OSBPL6: variants seen among roughly 807,000 people sequenced by gnomAD.
OSBPL6 encodes the protein oxysterol-binding protein-related protein 6.
OSBPL6 carries 49 observed loss-of-function variants against 125.8 expected under a neutral mutation model. That is an observed-to-expected ratio of 0.39 (90% CI 0.31 to 0.49). The LOEUF is 0.49. OSBPL6 is among the 20% of genes least tolerant of loss of function. OSBPL6 has a pLI of 0.88. For synonymous variants in OSBPL6, 394 were observed against 391.8 expected, an observed-to-expected ratio of 1.01 and a Z score of -0.07; for missense variants, 986 against 1,135.4, an observed-to-expected ratio of 0.87 and a Z score of 1.89.
intron 3 of OSBPL6, among the ~76,000 whole-genome samples, chr2:178,308,283 T>G (rs1475245530): frequency 6.6e-6 from 1 of 152,206 alleles, no homozygotes; most frequent in African/African-American, 2.4e-5. Context: ...AGAATTAACT[T>G]AGGGAACTCA....
At chr2:178,236,241 G>C (rs577167829) in intron 1 of OSBPL6, among the ~76,000 whole-genome samples, 1 of 152,120 alleles carries the variant, frequency 6.6e-6, no homozygotes, top group South Asian at 2.1e-4. Context: ...AAAATTATAA[G>C]TTTAGTGAGT....
At chr2:178,287,011 A>G (rs1684757444) in intron 2 of OSBPL6, among the ~76,000 whole-genome samples, 1 of 152,170 alleles carries the variant, frequency 6.6e-6, no homozygotes, top group Non-Finnish European at 1.5e-5. Flanking sequence ...CCAAATGTTT[A>G]TATGGTAATA....
chr2:178,389,456 G>A (rs1695222250), intron 21 of OSBPL6, among the ~76,000 whole-genome samples: 1 of 152,200 alleles, frequency 6.6e-6, no homozygotes. Context: ...AACACTTCTT[G>A]ACTATAAATC....
rs1695786738 is a variant in OSBPL6 at position 178,395,534 on chromosome 2, A to G, written c.2780A>G (p.Lys927Arg). Reference protein sequence around the residue: ...WELRKDPGFSKVDSPVLW With the variant: ...WELRKDPGFSRVDSPVLW ...CTTCGAAAGGACCCTGGGTTTAGCA[A>G]AGTAGACAGCCCTGTTCTTTGGTAG... is the stretch of plus-strand genomic sequence containing the variant. The change falls in exon 25 of 25, where the codon AAA (lysine) becomes AGA (arginine). Residue 927 changes from lysine (K) to arginine (R), a missense_variant. Coordinates refer to ENST00000190611, the MANE Select transcript of OSBPL6 (RefSeq NM_032523.4). 6.2e-7 allele frequency: 1 copy of G among 1,613,272 alleles called. No individual in the cohort carries two copies. The highest frequency in any genetic ancestry group is 1.7e-5 in the Admixed American group (1 of 59,996).
intron 13 of OSBPL6, among the ~76,000 whole-genome samples, chr2:178,362,728 C>G (rs529714036): frequency 7.5e-4 from 114 of 152,222 alleles, no homozygotes; most frequent in African/African-American, 2.4e-3. Flanking sequence ...CGTCCCTGAA[C>G]TGTCGGCGTA....
intron 13 of OSBPL6, among the ~76,000 whole-genome samples, chr2:178,368,206 C>T (rs1333059162): frequency 6.6e-6 from 1 of 152,160 alleles, no homozygotes; most frequent in Non-Finnish European, 1.5e-5. Context: ...GAGAGCACTA[C>T]ACCAGAAAGC....
At chr2:178,196,736 G>A (rs574464941) in intron 1 of OSBPL6, among the ~76,000 whole-genome samples, 22 of 152,192 alleles carry the variant, frequency 1.4e-4, no homozygotes, top group Non-Finnish European at 2.4e-4. Context: ...GGACTAGAGA[G>A]AAGATAATAT....
chr2:178,210,892 G>A (rs1201526850), intron 1 of OSBPL6, among the ~76,000 whole-genome samples: 1 of 151,660 alleles, frequency 6.6e-6, no homozygotes, highest in Admixed American at 6.6e-5. Flanking sequence ...CAAGGACAGG[G>A]GTAGAGGGTT....
At chr2:178,386,940 C>T in intron 19 of OSBPL6, 121 bp from the exon 20 acceptor site, 1 of 535,086 alleles carries the variant, frequency 1.9e-6, no homozygotes, top group East Asian at 3.6e-5. Context: ...ACTAAATCAG[C>T]AATATAGAAT....
At chr2:178,301,178 G>C (rs1686243357) in intron 2 of OSBPL6, among the ~76,000 whole-genome samples, 1 of 151,778 alleles carries the variant, frequency 6.6e-6, no homozygotes, top group Non-Finnish European at 1.5e-5. Context: ...CAAGCAGAAA[G>C]GGAAGAGATG....
chr2:178,279,988 A>G (rs1683987606), intron 1 of OSBPL6, among the ~76,000 whole-genome samples: 1 of 152,116 alleles, frequency 6.6e-6, no homozygotes, highest in Admixed American at 6.6e-5. Context: ...TCACGAAGTC[A>G]AGAGATCTAG....
chr2:178,211,179 A>C (rs144970466), intron 1 of OSBPL6, among the ~76,000 whole-genome samples: 1 of 152,276 alleles, frequency 6.6e-6, no homozygotes, highest in East Asian at 1.9e-4. Context: ...GCTAAGGAAG[A>C]AGGATTGCTT....
At chr2:178,361,651 A>C in intron 12 of OSBPL6, 31 bp from the exon 13 acceptor site, 1 of 1,611,482 alleles carries the variant, frequency 6.2e-7, no homozygotes, top group Non-Finnish European at 8.5e-7. Flanking sequence ...CACATATCTG[A>C]CAGTTTTTTC....
In OSBPL6 at chr2:178,381,964, T is replaced by C. The variant is rs902461283; in HGVS notation, c.1534-456T>C. ...CTCTTCTTTGTGTGCTTCTGTCCCT[T>C]CTAATAACTGGGCAACTCCTATTCA... On this transcript the variant is annotated intron_variant, in intron 15 of 24. Transcript: ENST00000190611. Among the ~76,000 whole-genome samples the C allele has an allele frequency of 2.6e-5, 4 of 152,208 alleles. No individual in the cohort carries two copies. In the East Asian group the frequency reaches 7.7e-4, roughly 29 times the overall value.
chr2:178,367,213 C>T (rs965261486), intron 13 of OSBPL6, among the ~76,000 whole-genome samples: 1 of 151,978 alleles, frequency 6.6e-6, no homozygotes, highest in Non-Finnish European at 1.5e-5. Context: ...AGAAATGGGC[C>T]AAGCTACCAA....
intron 7 of OSBPL6, 38 bp from the exon 8 acceptor site, chr2:178,332,833 A>T (rs1287670119): frequency 3.7e-6 from 6 of 1,608,454 alleles, no homozygotes; most frequent in Non-Finnish European, 5.1e-6. Context: ...CAGGAGAGTT[A>T]TTTTACAATT....
At chr2:178,373,855 A>G in intron 14 of OSBPL6, 35 bp from the exon 15 acceptor site, 1 of 1,609,960 alleles carries the variant, frequency 6.2e-7, no homozygotes, top group Non-Finnish European at 8.5e-7. Flanking sequence ...AACAGGGAGA[A>G]AAGCAATTAC....
chr2:178,353,522 T>C (rs1166377308), intron 12 of OSBPL6, among the ~76,000 whole-genome samples: 1 of 151,796 alleles, frequency 6.6e-6, no homozygotes, highest in African/African-American at 2.4e-5. Flanking sequence ...ATTAATGAAA[T>C]AAAACAAGAA....
chr2:178,395,409 T>C (rs773875440), intron 24 of OSBPL6, 42 bp from the exon 25 acceptor site: 2 of 1,441,104 alleles, frequency 1.4e-6, no homozygotes, highest in Non-Finnish European at 2.0e-6. Context: ...AAGGTTACCT[T>C]GATGTGATTC....
Sources: allele counts gnomAD v4.1 joint callset (sites outside exome capture counted in the v4.1 genomes callset), GRCh38; gene constraint gnomAD v4.1.1; transcripts MANE v1.5; gene names NCBI Gene and HGNC (gene_info 2026-07-23, HGNC 2026-07-21).